The following HPRT1 variants were observed in gnomAD, a reference collection of about 807,000 sequenced individuals.
HPRT1 encodes hypoxanthine phosphoribosyltransferase 1.
HPRT1 carries 4 observed loss-of-function variants against 19.0 expected under a neutral mutation model. The observed-to-expected ratio is 0.21, with a 90% CI of 0.10 to 0.48. The LOEUF (loss-of-function observed/expected upper bound fraction) is 0.48, where lower values mean the gene tolerates loss of function less well. HPRT1 is among the 20% of genes least tolerant of loss of function. HPRT1 has a pLI of 0.98. For missense variants in HPRT1, 65 were observed against 164.0 expected, an observed-to-expected ratio of 0.40 and a Z score of 3.30; for synonymous variants, 53 against 54.9, an observed-to-expected ratio of 0.97 and a Z score of 0.15.
intron 3 of HPRT1, among the ~76,000 whole-genome samples, chrX:134,478,957 CTAT>C (rs1306789810): frequency 2.7e-5 from 3 of 112,066 alleles, no homozygotes; most frequent in Non-Finnish European, 5.6e-5. Context: ...AATTTTAGAG[CTAT>C]TATTAATAAA....
intron 3 of HPRT1, 42 bp from the exon 4 acceptor site, chrX:134,486,423 G>C: frequency 1.4e-6 from 1 of 705,417 alleles, no homozygotes; most frequent in Non-Finnish European, 2.1e-6. Context: ...ACATATGTGT[G>C]TGTAGATATA....
intron 1 of HPRT1, among the ~76,000 whole-genome samples, chrX:134,467,472 A>G (rs909266556): frequency 9.8e-5 from 11 of 112,265 alleles, no homozygotes; most frequent in African/African-American, 3.6e-4. Context: ...ATATGTTGCA[A>G]TCCCCAACTC....
chrX:134,492,028 T>TACACACACACACACACACACACACAC (rs2077668360), intron 5 of HPRT1, among the ~76,000 whole-genome samples: 1 of 98,886 alleles, frequency 1.0e-5, no homozygotes, highest in African/African-American at 3.8e-5. Context: ...TATACATATA[T>TACACACACACACACACACACACACAC]ATATATACAC....
chrX:134,494,826 G>A (rs1453406348), intron 6 of HPRT1, among the ~76,000 whole-genome samples: 2 of 111,508 alleles, frequency 1.8e-5, no homozygotes, highest in Admixed American at 9.6e-5. Context: ...AGACTGGTTC[G>A]TGAGCGAGAG....
intron 1 of HPRT1, among the ~76,000 whole-genome samples, chrX:134,472,759 G>C: frequency 9.1e-6 from 1 of 109,900 alleles, no homozygotes; most frequent in Non-Finnish European, 1.9e-5. Flanking sequence ...TAGAGACGGC[G>C]GGGGGAGGTT....
At chrX:134,463,850 T>C (rs1307333889) in intron 1 of HPRT1, among the ~76,000 whole-genome samples, 1 of 111,891 alleles carries the variant, frequency 8.9e-6, no homozygotes, top group Non-Finnish European at 1.9e-5. Flanking sequence ...AATATCAATA[T>C]TGAGCCTCAA....
intron 5 of HPRT1, 77 bp from the exon 6 acceptor site, chrX:134,493,431 C>T: frequency 1.6e-6 from 1 of 638,417 alleles, no homozygotes; most frequent in East Asian, 3.3e-5. Context: ...GACAGTATTG[C>T]AGTTATACAT....
intron 1 of HPRT1, among the ~76,000 whole-genome samples, chrX:134,466,631 G>T (rs17882283): frequency 8.9e-6 from 1 of 111,794 alleles, no homozygotes; most frequent in Non-Finnish European, 1.9e-5. Flanking sequence ...GGCAGCCTGA[G>T]CAGGTAGTTG....
intron 6 of HPRT1, among the ~76,000 whole-genome samples, chrX:134,494,831 C>T (rs1359130449): frequency 1.8e-5 from 2 of 111,400 alleles, no homozygotes; most frequent in African/African-American, 6.5e-5. Context: ...GGTTCGTGAG[C>T]GAGAGATTTT....
chrX:134,474,030 T>C (rs182670627), intron 2 of HPRT1, among the ~76,000 whole-genome samples: 3 of 112,532 alleles, frequency 2.7e-5, no homozygotes, highest in East Asian at 2.8e-4. Context: ...GCACTGGCTA[T>C]GCATGTATAC....
At chrX:134,492,304 T>C (rs2077669906) in intron 5 of HPRT1, among the ~76,000 whole-genome samples, 1 of 110,200 alleles carries the variant, frequency 9.1e-6, no homozygotes, top group South Asian at 3.8e-4. Flanking sequence ...ATCTTATTTT[T>C]TTTGAGAAAT....
intron 6 of HPRT1, among the ~76,000 whole-genome samples, chrX:134,494,946 G>A: frequency 9.0e-6 from 1 of 111,600 alleles, no homozygotes; most frequent in East Asian, 2.8e-4. Flanking sequence ...TACATTTCAT[G>A]TATCTTCTTT....
chrX:134,467,809 T>TTC (rs1409775957), intron 1 of HPRT1, among the ~76,000 whole-genome samples: 1 of 105,207 alleles, frequency 9.5e-6, no homozygotes, highest in Non-Finnish European at 2.0e-5. Flanking sequence ...GTATCTTTTT[T>TTC]TTTTTTTTTT....
intron 1 of HPRT1, among the ~76,000 whole-genome samples, chrX:134,470,043 G>A (rs6638242): frequency 8.9e-6 from 1 of 112,819 alleles, no homozygotes; most frequent in East Asian, 2.8e-4. Flanking sequence ...AGGTTTAGCA[G>A]ATGCATCAGC....
intron 1 of HPRT1, among the ~76,000 whole-genome samples, chrX:134,465,027 TCTC>T (rs1430982167): frequency 9.1e-6 from 1 of 109,302 alleles, no homozygotes; most frequent in African/African-American, 3.3e-5. Flanking sequence ...TTCTAGCAAT[TCTC>T]CTGCCTCAGC....
intron 6 of HPRT1, among the ~76,000 whole-genome samples, chrX:134,495,199 A>G (rs1280224632): frequency 7.4e-5 from 3 of 40,762 alleles, no homozygotes; most frequent in East Asian, 3.0e-3. Context: ...CTGTCTCAGA[A>G]AAAAAAAAAA....
chrX:134,484,773 A>G (rs1207883787), intron 3 of HPRT1, among the ~76,000 whole-genome samples: 1 of 111,851 alleles, frequency 8.9e-6, no homozygotes, highest in East Asian at 2.8e-4. Flanking sequence ...TGATTAATTT[A>G]AATGGTTCCC....
intron 4 of HPRT1, among the ~76,000 whole-genome samples, chrX:134,489,569 G>A (rs1393727476): frequency 3.6e-5 from 4 of 111,075 alleles, no homozygotes; most frequent in Non-Finnish European, 5.7e-5. Context: ...GGACTTTCTC[G>A]ATTTTGAGGG....
intron 3 of HPRT1, among the ~76,000 whole-genome samples, chrX:134,477,729 A>C (rs903315814): frequency 4.5e-5 from 5 of 112,223 alleles, no homozygotes; most frequent in Non-Finnish European, 9.4e-5. Context: ...GCTGGAATGC[A>C]GTAGCAAGAT....
Sources: gnomAD v4.1 joint callset for allele counts (sites outside exome capture counted in the v4.1 genomes callset) on GRCh38, gnomAD v4.1.1 for gene constraint, MANE v1.5 for transcripts, NCBI Gene and HGNC (gene_info 2026-07-23, HGNC 2026-07-21) for gene names.